ADH7: variants seen among roughly 807,000 people sequenced by gnomAD.
ADH7 encodes the protein all-trans-retinol dehydrogenase [NAD(+)] ADH7.
A neutral mutation model predicts 34.4 loss-of-function variants in ADH7; 41 were observed. The observed-to-expected ratio is 1.19, with a 90% confidence interval of 0.93 to 1.55. The LOEUF (loss-of-function observed/expected upper bound fraction) is 1.55. Among genes scored for constraint, ADH7 ranks in the 40% most tolerant of loss-of-function variants. The probability of loss-of-function intolerance (pLI) is 0.00; values close to 1 mark genes in which losing one functional copy is unlikely to be tolerated. For synonymous variants in ADH7, 180 were observed against 160.9 expected (o/e 1.12, Z -0.90); for missense variants, 540 against 461.2 (o/e 1.17, Z -1.56).
chr4:99,415,481 T>C lies in ADH7; in HGVS notation c.1097A>G (p.Gln366Arg). Residue 366 changes from glutamine (Q) to arginine (R), a missense_variant, in exon 8 of 9, where the codon CAA becomes CGA. Gln to Arg is a conservative substitution (Grantham distance 43). Transcript: ENST00000437033. ...GATCATCATAAGAAACAGTTACCTT[T>C]GTCCTGAATTGAGCAGCTCAAATCC... ...SEGFELLNSG[Q>R]SIRTVLTF The C allele has an allele frequency of 6.2e-7, 1 of 1,610,966 alleles. No individual in the cohort carries two copies. The highest frequency in any genetic ancestry group is 1.1e-5 in the South Asian group (1 of 90,142).
At chr4:99,417,655 A>G (rs1003267344) in intron 7 of ADH7, among the ~76,000 whole-genome samples, 1 of 152,110 alleles carries the variant, frequency 6.6e-6, no homozygotes, top group African/African-American at 2.4e-5. Context: ...ACTTCCTGAG[A>G]TCAGGGACTT....
In ADH7 at chr4:99,429,524, A is replaced by G. The variant is rs769291818; in HGVS notation, c.120+8T>C. On this transcript the variant is annotated splice_region_variant and intron_variant, in intron 2 of 8. Transcript: ENST00000437033. Reference sequence around the variant, plus strand: ...TTTTGGCTTAAGTTCTCTAGGGCTCACGCTTACCTTAATGCGAACTTCTTT... The same window carrying G: ...TTTTGGCTTAAGTTCTCTAGGGCTCGCGCTTACCTTAATGCGAACTTCTTT... 1 of 1,604,216 alleles carries G rather than the reference A, an allele frequency of 6.2e-7. No individual in the cohort carries two copies. Among genetic ancestry groups the G allele is most frequent in the Non-Finnish European group, 8.5e-7 (1 of 1,173,260 alleles).
chr4:99,414,727 A>G (rs999650779), intron 8 of ADH7, among the ~76,000 whole-genome samples: 1 of 152,184 alleles, frequency 6.6e-6, no homozygotes, highest in East Asian at 1.9e-4. Context: ...CTTGGTCTTC[A>G]TCTAAAAATG....
chr4:99,424,305 C>G (rs1352355921), intron 5 of ADH7, among the ~76,000 whole-genome samples: 1 of 152,082 alleles, frequency 6.6e-6, no homozygotes, highest in Non-Finnish European at 1.5e-5. Context: ...TTTGAAGTCA[C>G]ATAGCGTGAT....
In ADH7 at chr4:99,420,686, G is replaced by A. The variant is rs751377874; in HGVS notation, c.672C>T (p.Leu224=). 3 of 1,613,760 alleles carry A rather than the reference G, an allele frequency of 1.9e-6. No individual in the cohort carries two copies. Among genetic ancestry groups the A allele is most frequent in the South Asian group, 2.2e-5 (2 of 91,068 alleles). The change falls in exon 6 of 9, where the codon CTC becomes CTT. Residue 224 remains leucine, a synonymous_variant. Coordinates refer to ENST00000437033, the MANE Select transcript of ADH7 (RefSeq NM_000673.7). ...TGGCCTTCTCAAATTTGTCTTTGTT[G>A]AGGTCAATCCCAATGATCCTAGATG... ...AGASRIIGID[L]NKDKFEKAMA... is the part of the protein sequence containing the mutation.
chr4:99,432,070 C>A (rs146620819), intron 1 of ADH7, among the ~76,000 whole-genome samples: 1 of 152,008 alleles, frequency 6.6e-6, no homozygotes, highest in African/African-American at 2.4e-5. Flanking sequence ...TCAACCTAAG[C>A]GCCCATTAAT....
intron 6 of ADH7, among the ~76,000 whole-genome samples, chr4:99,419,338 T>C (rs1721595721): frequency 6.6e-6 from 1 of 152,178 alleles, no homozygotes; most frequent in African/African-American, 2.4e-5. Context: ...ATGTGGTCAG[T>C]GTTTGTGGCA....
At chr4:99,420,498 G>C in intron 6 of ADH7, 35 bp downstream of exon 6, 2 of 1,598,686 alleles carry the variant, frequency 1.3e-6, no homozygotes, top group Non-Finnish European at 1.7e-6. Flanking sequence ...CTAATAACTT[G>C]GGTATTTTGT....
intron 5 of ADH7, among the ~76,000 whole-genome samples, chr4:99,423,235 C>T (rs1579575884): frequency 6.7e-6 from 1 of 149,016 alleles, no homozygotes; most frequent in African/African-American, 2.5e-5. Flanking sequence ...GCATAGTATT[C>T]CATGGTGTAT....
In ADH7 at chr4:99,418,966, A is replaced by C. The variant is rs1179996594; in HGVS notation, c.961+20T>G. 1 of 1,612,428 alleles carries C rather than the reference A, an allele frequency of 6.2e-7. No individual in the cohort carries two copies. Among genetic ancestry groups the C allele is most frequent in the Non-Finnish European group, 8.5e-7 (1 of 1,179,232 alleles). Reference sequence around the variant, plus strand: ...GAGTGAAAGCCATCACTCCCCATCCAGAGGCTTTGCTTTCCTGACCTCCAA... The same window carrying C: ...GAGTGAAAGCCATCACTCCCCATCCCGAGGCTTTGCTTTCCTGACCTCCAA... On this transcript the variant is annotated intron_variant, in intron 7 of 8. Transcript: ENST00000437033.
intron 1 of ADH7, chr4:99,432,644 AACTTCACTCCTAAC>A (rs1376499951): frequency 6.6e-6 from 1 of 152,154 alleles, no homozygotes; most frequent in African/African-American, 2.4e-5. Context: ...AAGTGTTAAC[AACTTCACTCCTAAC>A]ACTCCTTCCC....
chr4:99,422,016 T>C (rs1433881450), intron 5 of ADH7, among the ~76,000 whole-genome samples: 1 of 152,032 alleles, frequency 6.6e-6, no homozygotes, highest in Non-Finnish European at 1.5e-5. Flanking sequence ...ATGCTCGTGA[T>C]GCTATGGAGA....
chr4:99,423,331 T>G (rs892992927), intron 5 of ADH7, among the ~76,000 whole-genome samples: 5 of 151,294 alleles, frequency 3.3e-5, no homozygotes, highest in Non-Finnish European at 7.4e-5. Flanking sequence ...AGTGCCGCAA[T>G]AAACATACGT....
At position 99,431,474 on chromosome 4, in the gene ADH7, C is replaced by G. The variant is rs188170815; in HGVS notation, c.19-1841G>C. On this transcript the variant is annotated intron_variant, in intron 1 of 8. Transcript: ENST00000437033. Reference sequence around the variant, plus strand: ...CAAAAACAAAAATTGACAAAAGGGGCCTAATTTAACTAAAGGGCTTCTGCA... The same window carrying G: ...CAAAAACAAAAATTGACAAAAGGGGGCTAATTTAACTAAAGGGCTTCTGCA... 1.8e-3 allele frequency among the ~76,000 whole-genome samples: 278 copies of G among 152,124 alleles called. 3 individuals carry two copies. Among genetic ancestry groups the G allele is most frequent in the African/African-American group, 6.3e-3 (261 of 41,524 alleles).
Position 99,428,086 on chromosome 4 carries a change from C to T in ADH7, c.347+1G>A, listed in dbSNP as rs766817217. ...TTAAAGTAAAAATGACTGAAACCTA[C>T]TCGCTCCTAATGCAAAGGTTGCCAT... On this transcript the variant is annotated splice_donor_variant, in intron 4 of 8. Transcript: ENST00000437033. LOFTEE classifies it high-confidence loss of function. 1.2e-6 allele frequency: 2 copies of T among 1,613,876 alleles called. No individual in the cohort carries two copies. The highest frequency in any genetic ancestry group is 2.2e-5 in the South Asian group (2 of 91,072).
chr4:99,434,090 T>G (rs189732618), intron 1 of ADH7, among the ~76,000 whole-genome samples: 3 of 152,132 alleles, frequency 2.0e-5, no homozygotes, highest in African/African-American at 7.2e-5. Context: ...GTATTATTAA[T>G]TGGAAAGTGC....
At chr4:99,424,365 CT>C (rs1188743734) in intron 5 of ADH7, among the ~76,000 whole-genome samples, 2 of 152,182 alleles carry the variant, frequency 1.3e-5, no homozygotes, top group Non-Finnish European at 2.9e-5. Context: ...GATGCATGCT[CT>C]TTTTTGGTTC....
chr4:99,433,008 G>A (rs1251561904), intron 1 of ADH7, among the ~76,000 whole-genome samples: 2 of 152,074 alleles, frequency 1.3e-5, no homozygotes, highest in Non-Finnish European at 2.9e-5. Flanking sequence ...AGAACTTAAT[G>A]AGAATACACA....
chr4:99,425,813 A>AGCTCTCCTC (rs1721789456), intron 5 of ADH7, among the ~76,000 whole-genome samples: 2 of 152,186 alleles, frequency 1.3e-5, no homozygotes, highest in African/African-American at 4.8e-5. Flanking sequence ...TTGGAAGTAA[A>AGCTCTCCTC]GCTCTCCTCA....
Sources: gnomAD v4.1 joint callset for allele counts (sites outside exome capture counted in the v4.1 genomes callset) on GRCh38, gnomAD v4.1.1 for gene constraint, MANE v1.5 for transcripts, NCBI Gene and HGNC (gene_info 2026-07-23, HGNC 2026-07-21) for gene names.